The following KCNK1 variants were observed in gnomAD, a reference collection of about 807,000 sequenced individuals.
KCNK1 encodes potassium channel subfamily K member 1.
A neutral mutation model predicts 22.2 loss-of-function variants in KCNK1; 10 were observed. That is an observed-to-expected ratio of 0.45 (90% CI 0.28 to 0.76). The LOEUF (loss-of-function observed/expected upper bound fraction) is 0.76. Among genes scored for constraint, KCNK1 ranks in the 30% least tolerant of loss-of-function variants. The pLI is 0.14. For synonymous variants in KCNK1, 200 were observed against 186.4 expected (o/e 1.07, Z -0.60); for missense variants, 378 against 421.0 (o/e 0.90, Z 0.89).
chr1:233,641,809 G>A (rs80278305), intron 1 of KCNK1, among the ~76,000 whole-genome samples: 137 of 152,314 alleles, frequency 9.0e-4, no homozygotes, highest in Non-Finnish European at 1.7e-3. Flanking sequence ...CAAAGCAGTG[G>A]CTTAGATAGC....
chr1:233,620,375 G>A (rs1338823157), intron 1 of KCNK1, among the ~76,000 whole-genome samples: 1 of 152,200 alleles, frequency 6.6e-6, no homozygotes, highest in African/African-American at 2.4e-5. Flanking sequence ...AGAAAGTTCA[G>A]CTTCTCAGAC....
At chr1:233,652,629 T>A (rs1658222081) in intron 1 of KCNK1, among the ~76,000 whole-genome samples, 2 of 152,090 alleles carry the variant, frequency 1.3e-5, no homozygotes, top group South Asian at 4.1e-4. Flanking sequence ...GTAACAAACA[T>A]GGGGGTGATT....
At chr1:233,643,942 G>T (rs1658045351) in intron 1 of KCNK1, among the ~76,000 whole-genome samples, 1 of 152,182 alleles carries the variant, frequency 6.6e-6, no homozygotes, top group Admixed American at 6.5e-5. Flanking sequence ...ACATTTCTTT[G>T]CAATAAAACT....
At position 233,628,482 on chromosome 1, in the gene KCNK1, G is replaced by A. The variant is rs145245686; in HGVS notation, c.355+13956G>A. On this transcript the variant is annotated intron_variant, in intron 1 of 2. Transcript: ENST00000366621. ...ATTGTAACAATTTAAAAAGTCGGCCGGATGTGGTGGCTCACGCCTGGAATC... is the reference window on the plus strand; with the variant it reads ...ATTGTAACAATTTAAAAAGTCGGCCAGATGTGGTGGCTCACGCCTGGAATC... 7.8e-3 allele frequency among the ~76,000 whole-genome samples: 1,183 copies of A among 152,254 alleles called. 14 individuals carry two copies. Among genetic ancestry groups the A allele is most frequent in the African/African-American group, 0.027 (1,132 of 41,530 alleles).
chr1:233,672,114 T>A lies in KCNK1; in HGVS notation c.*584T>A, dbSNP rs1240089166. 1 of 152,282 alleles carries A rather than the reference T, an allele frequency of 6.6e-6. No homozygotes were observed. The highest frequency in any genetic ancestry group is 1.5e-5 in the Non-Finnish European group (1 of 68,120). 9.4% of individuals were successfully genotyped at this position (152,282 alleles called of 1,614,324 possible). A position where few individuals can be genotyped will look rare whatever the true frequency, so the allele number is the denominator to read the frequency against. ...TGTACATATGGTTTAGGTCACCAGA[T>A]CCTAGTGTAGTTCTGAAACTAAGAC... On this transcript the variant is annotated 3_prime_UTR_variant, in exon 3 of 3. Coordinates refer to ENST00000366621, the MANE Select transcript of KCNK1 (RefSeq NM_002245.4).
At chr1:233,651,450 T>C (rs1658200726) in intron 1 of KCNK1, among the ~76,000 whole-genome samples, 1 of 152,156 alleles carries the variant, frequency 6.6e-6, no homozygotes, top group African/African-American at 2.4e-5. Flanking sequence ...TGCAACCTCG[T>C]TTAAAATATT....
chr1:233,665,982 A>G (rs1658481387), intron 1 of KCNK1, among the ~76,000 whole-genome samples: 1 of 152,162 alleles, frequency 6.6e-6, no homozygotes, highest in South Asian at 2.1e-4. Context: ...CAAGTGCTTG[A>G]TCCTGTGACA....
intron 1 of KCNK1, among the ~76,000 whole-genome samples, chr1:233,664,308 AT>A (rs1431212097): frequency 1.3e-5 from 2 of 151,080 alleles, no homozygotes; most frequent in South Asian, 2.1e-4. Flanking sequence ...TCCTTCACAT[AT>A]TTTTTTTTCT....
chr1:233,627,354 T>C (rs1174638817), intron 1 of KCNK1, among the ~76,000 whole-genome samples: 1 of 152,220 alleles, frequency 6.6e-6, no homozygotes, highest in Non-Finnish European at 1.5e-5. Flanking sequence ...ACTCACATTC[T>C]TCAAATGTTT....
chr1:233,671,387 C>A lies in KCNK1; in HGVS notation c.868C>A (p.Gln290Lys), dbSNP rs1257178454. Residue 290 changes from glutamine (Q) to lysine (K), a missense_variant, in exon 3 of 3, where the codon CAG (glutamine) becomes AAG (lysine). Coordinates refer to ENST00000366621, the MANE Select transcript of KCNK1 (RefSeq NM_002245.4). ...TGTGAAGAAGGACAAGGACGAGGAT[C>A]AGGTGCACATCATAGAGCATGACCA... ...FYVKKDKDED[Q>K]VHIIEHDQLS... 6.2e-7 allele frequency: 1 copy of A among 1,614,160 alleles called. No homozygotes were observed. Among genetic ancestry groups the A allele is most frequent in the East Asian group, 2.2e-5 (1 of 44,876 alleles).
At chr1:233,639,651 A>G (rs1657969724) in intron 1 of KCNK1, among the ~76,000 whole-genome samples, 2 of 152,216 alleles carry the variant, frequency 1.3e-5, no homozygotes, top group Admixed American at 6.5e-5. Context: ...ATCATAAGGG[A>G]GAGAGTTGAT....
chr1:233,645,966 T>G (rs528032638), intron 1 of KCNK1, among the ~76,000 whole-genome samples: 16 of 152,268 alleles, frequency 1.1e-4, no homozygotes, highest in African/African-American at 3.8e-4. Context: ...ACAGATTGCC[T>G]AATACTGTTA....
Position 233,668,649 on chromosome 1 carries a change from A to G in KCNK1, c.751+1659A>G, listed in dbSNP as rs904195162. ...AGATGGAGTTTCATTCTTATTGCCT[A>G]GGCTGGAGTGCAATGGCACGATCTC... is the stretch of plus-strand genomic sequence containing the variant. On this transcript the variant is annotated intron_variant, in intron 2 of 2. Transcript: ENST00000366621. Among the ~76,000 whole-genome samples the G allele has an allele frequency of 3.9e-5, 6 of 152,022 alleles. No homozygotes were observed. In the East Asian group the frequency reaches 1.2e-3, roughly 29 times the overall value.
chr1:233,635,253 C>T (rs1571894221), intron 1 of KCNK1, among the ~76,000 whole-genome samples: 1 of 152,092 alleles, frequency 6.6e-6, no homozygotes, highest in Non-Finnish European at 1.5e-5. Context: ...GTATAGTCAA[C>T]ACAGAAAAGC....
chr1:233,646,724 G>A (rs1182423245), intron 1 of KCNK1, among the ~76,000 whole-genome samples: 3 of 152,192 alleles, frequency 2.0e-5, no homozygotes, highest in East Asian at 1.9e-4. Flanking sequence ...GGAGGTAGCA[G>A]TGAGAATGTG....
intron 1 of KCNK1, among the ~76,000 whole-genome samples, chr1:233,653,798 A>T (rs1345228816): frequency 2.6e-5 from 4 of 152,106 alleles, no homozygotes; most frequent in Non-Finnish European, 4.4e-5. Flanking sequence ...GGATAAGCCA[A>T]TTCCCATAAT....
chr1:233,620,809 G>A (rs1657573104), intron 1 of KCNK1, among the ~76,000 whole-genome samples: 1 of 148,452 alleles, frequency 6.7e-6, no homozygotes, highest in Non-Finnish European at 1.5e-5. Context: ...GACATGGCAG[G>A]TTATAAAAAG....
intron 1 of KCNK1, among the ~76,000 whole-genome samples, chr1:233,653,572 T>C (rs1346336790): frequency 6.6e-6 from 1 of 152,188 alleles, no homozygotes; most frequent in East Asian, 1.9e-4. Context: ...CGTTATCTAA[T>C]TCATGAAGGG....
intron 1 of KCNK1, among the ~76,000 whole-genome samples, chr1:233,662,455 TG>T (rs1282936291): frequency 5.3e-5 from 8 of 152,214 alleles, no homozygotes; most frequent in African/African-American, 1.9e-4. Flanking sequence ...CTGGTGTATG[TG>T]AAGAAGTTGC....
Sources: gnomAD v4.1 joint callset for allele counts (sites outside exome capture counted in the v4.1 genomes callset) on GRCh38, gnomAD v4.1.1 for gene constraint, MANE v1.5 for transcripts, NCBI Gene and HGNC (gene_info 2026-07-23, HGNC 2026-07-21) for gene names.